BTBD9: variants seen among roughly 807,000 people sequenced by gnomAD.
The protein encoded by BTBD9 is BTB/POZ domain-containing protein 9.
A neutral mutation model predicts 64.3 loss-of-function variants in BTBD9; 49 were observed. The ratio of observed to expected loss-of-function variants is 0.76; its 90% CI spans 0.61 to 0.97. BTBD9 has a LOEUF of 0.97. Among genes scored for constraint, BTBD9 ranks in the 50% least tolerant of loss-of-function variants. The pLI is 0.00. For synonymous variants in BTBD9, 260 were observed against 274.7 expected (o/e 0.95, Z 0.53); for missense variants, 598 against 762.1 (o/e 0.78, Z 2.53).
chr6:38,198,888 C>A (rs1762359553), intron 9 of BTBD9, among the ~76,000 whole-genome samples: 1 of 152,236 alleles, frequency 6.6e-6, no homozygotes, highest in Admixed American at 6.5e-5. Context: ...TGTCTCTCTG[C>A]ATCGGCACCT....
intron 8 of BTBD9, among the ~76,000 whole-genome samples, chr6:38,263,235 T>A (rs931456668): frequency 2.6e-5 from 4 of 152,238 alleles, no homozygotes; most frequent in Non-Finnish European, 5.9e-5. Flanking sequence ...AAATATTTAC[T>A]GAATAACTAC....
At chr6:38,561,724 G>C (rs928772459) in intron 6 of BTBD9, among the ~76,000 whole-genome samples, 2 of 152,152 alleles carry the variant, frequency 1.3e-5, no homozygotes, top group Admixed American at 1.3e-4. Flanking sequence ...TCATGAGTGG[G>C]AGCTAAACAG....
At chr6:38,304,964 C>T (rs1762571675) in intron 7 of BTBD9, among the ~76,000 whole-genome samples, 1 of 151,874 alleles carries the variant, frequency 6.6e-6, no homozygotes, top group Non-Finnish European at 1.5e-5. Flanking sequence ...ATGTGAGTTT[C>T]ATAAGGGCAG....
At chr6:38,551,080 C>A (rs538682046) in intron 6 of BTBD9, among the ~76,000 whole-genome samples, 1 of 152,242 alleles carries the variant, frequency 6.6e-6, no homozygotes, top group East Asian at 1.9e-4. Context: ...TGAGGCCTTG[C>A]CTATTTGAAA....
At chr6:38,584,092 C>T (rs950246259) in intron 4 of BTBD9, among the ~76,000 whole-genome samples, 4 of 152,072 alleles carry the variant, frequency 2.6e-5, no homozygotes, top group African/African-American at 9.7e-5. Flanking sequence ...TTTGGGAGGC[C>T]GAGACAGGTG....
At chr6:38,365,866 G>GA in intron 6 of BTBD9, among the ~76,000 whole-genome samples, 1 of 152,010 alleles carries the variant, frequency 6.6e-6, no homozygotes. Flanking sequence ...AATAATTATG[G>GA]AAAAATAATT....
chr6:38,179,329 A>G, intron 10 of BTBD9: 2 of 398,906 alleles, frequency 5.0e-6, no homozygotes, highest in Non-Finnish European at 1.0e-5. Context: ...AGTCATTTTC[A>G]AATCAAGAAA....
At chr6:38,558,298 G>A (rs1487212622) in intron 6 of BTBD9, among the ~76,000 whole-genome samples, 1 of 151,806 alleles carries the variant, frequency 6.6e-6, no homozygotes, top group African/African-American at 2.4e-5. Flanking sequence ...GCCTTTTGGT[G>A]GAGGCTTTAG....
At position 38,550,767 on chromosome 6, in the gene BTBD9, T is replaced by C. The variant is rs79194940; in HGVS notation, c.1154+26833A>G. On this transcript the variant is annotated intron_variant, in intron 6 of 10. Coordinates refer to ENST00000481247, the MANE Select transcript of BTBD9 (RefSeq NM_001099272.2). ...TTTGTCTAAATTATTCTTGTTAGAATGTGTCTGCCCTTATACAACCTATGG... is the reference window on the plus strand; with the variant it reads ...TTTGTCTAAATTATTCTTGTTAGAACGTGTCTGCCCTTATACAACCTATGG... Among the ~76,000 whole-genome samples the C allele has an allele frequency of 3.9e-3, 589 of 152,314 alleles. 5 individuals are homozygous for C. The highest frequency in any genetic ancestry group is 5.4e-3 in the Non-Finnish European group (369 of 68,024).
In BTBD9 at chr6:38,440,022, T is replaced by C. The variant is rs548668898; in HGVS notation, c.1155-94929A>G. Among the ~76,000 whole-genome samples the C allele has an allele frequency of 3.9e-5, 6 of 152,306 alleles. No individual in the cohort carries two copies. In the East Asian group the frequency reaches 9.6e-4, roughly 24 times the overall value. ...AGAGGCTAGCTCAGGAGTATGGCTT[T>C]GTTTATGTTAAGTTTCAGATTCCTA... On this transcript the variant is annotated intron_variant, in intron 6 of 10. Coordinates refer to ENST00000481247, the MANE Select transcript of BTBD9 (RefSeq NM_001099272.2).
At chr6:38,371,730 A>T (rs58424668) in intron 6 of BTBD9, among the ~76,000 whole-genome samples, 29,774 of 152,158 alleles carry the variant, frequency 0.2, 3,774 homozygotes, top group East Asian at 0.47. Context: ...AATAATGTAA[A>T]CAAGGTCAGC....
chr6:38,433,237 T>A (rs572847886), intron 6 of BTBD9, among the ~76,000 whole-genome samples: 1 of 151,876 alleles, frequency 6.6e-6, no homozygotes, highest in Non-Finnish European at 1.5e-5. Flanking sequence ...CCTAATTCCT[T>A]CATGTCAGTT....
In BTBD9 at chr6:38,254,475, CAAAA is replaced by C. The variant is rs566844594; in HGVS notation, c.1562+1930_1562+1933del. The stretch of plus-strand genomic sequence containing the variant: ...AAAAACAAACAAACAAACAAACAAA[CAAAA>C]AAAAACAATTAGCTGGGCACAGTGG... On this transcript the variant is annotated intron_variant, in intron 9 of 10. Transcript: ENST00000481247. Among the ~76,000 whole-genome samples, 231 of 149,780 alleles carry C rather than the reference CAAAA, an allele frequency of 1.5e-3. 1 individual carries two copies. Among genetic ancestry groups the C allele is most frequent in the African/African-American group, 5.3e-3 (215 of 40,510 alleles).
In BTBD9 at chr6:38,299,229, G is replaced by A. The variant is rs535517569; in HGVS notation, c.1265-10768C>T. Among the ~76,000 whole-genome samples, 916 of 152,250 alleles carry A rather than the reference G, an allele frequency of 6.0e-3. 12 individuals are homozygous for A. Among genetic ancestry groups the A allele is most frequent in the African/African-American group, 0.018 (760 of 41,534 alleles). ...GCATAGTATTCCATGGTGTGTATGT[G>A]CCACATTTTCTTAATCCAGTCTATC... On this transcript the variant is annotated intron_variant, in intron 7 of 10. Coordinates refer to ENST00000481247, the MANE Select transcript of BTBD9 (RefSeq NM_001099272.2).
At chr6:38,446,775 T>C (rs146927084) in intron 6 of BTBD9, among the ~76,000 whole-genome samples, 47 of 152,344 alleles carry the variant, frequency 3.1e-4, no homozygotes, top group Admixed American at 2.5e-3. Context: ...TAAGGTCATA[T>C]AGTTGAACTT....
chr6:38,382,991 C>T (rs1766003313), intron 6 of BTBD9, among the ~76,000 whole-genome samples: 1 of 152,086 alleles, frequency 6.6e-6, no homozygotes, highest in African/African-American at 2.4e-5. Context: ...TTAATATATA[C>T]AAATTCCTCC....
At chr6:38,453,680 C>T (rs1167233751) in intron 6 of BTBD9, among the ~76,000 whole-genome samples, 1 of 152,174 alleles carries the variant, frequency 6.6e-6, no homozygotes, top group Non-Finnish European at 1.5e-5. Context: ...AAGAATGCCC[C>T]TTAGTTACTT....
chr6:38,399,051 A>G (rs1259226396), intron 6 of BTBD9, among the ~76,000 whole-genome samples: 1 of 152,232 alleles, frequency 6.6e-6, no homozygotes, highest in African/African-American at 2.4e-5. Flanking sequence ...TCCTTATGAT[A>G]TAATAGCAGG....
At chr6:38,274,388 T>C (rs1343883162) in intron 8 of BTBD9, among the ~76,000 whole-genome samples, 6 of 152,238 alleles carry the variant, frequency 3.9e-5, no homozygotes, top group East Asian at 3.9e-4. Flanking sequence ...TCCTGCCTAA[T>C]TGCCCTGGCC....
Sources: gnomAD v4.1 joint callset for allele counts (sites outside exome capture counted in the v4.1 genomes callset) on GRCh38, gnomAD v4.1.1 for gene constraint, MANE v1.5 for transcripts, NCBI Gene and HGNC (gene_info 2026-07-23, HGNC 2026-07-21) for gene names.